AKR1B1: variants seen among roughly 807,000 people sequenced by gnomAD.
The protein encoded by AKR1B1 is aldo-keto reductase family 1 member B.
Under a neutral mutation model 40.4 loss-of-function variants are expected in AKR1B1, and 22 were observed. The ratio of observed to expected loss-of-function variants is 0.54; its 90% confidence interval spans 0.39 to 0.78. The LOEUF (loss-of-function observed/expected upper bound fraction) is 0.78. Among genes scored for constraint, AKR1B1 ranks in the 30% least tolerant of loss-of-function variants. The pLI, the probability that AKR1B1 is intolerant of heterozygous loss-of-function variation, is 0.00. For missense variants in AKR1B1, 357 were observed against 396.7 expected, an observed-to-expected ratio of 0.90 and a Z score of 0.85; for synonymous variants, 157 against 149.9, an observed-to-expected ratio of 1.05 and a Z score of -0.35.
chr7:134,449,657 A>T, intron 4 of AKR1B1, 63 bp downstream of exon 4: 1 of 1,264,636 alleles, frequency 7.9e-7, no homozygotes, highest in Non-Finnish European at 1.2e-6. Flanking sequence ...TGGCAGGCAG[A>T]TTGCTTCTAA....
At chr7:134,449,607 C>G in intron 4 of AKR1B1, 113 bp downstream of exon 4, 1 of 905,422 alleles carries the variant, frequency 1.1e-6, no homozygotes, top group South Asian at 1.4e-5. Flanking sequence ...AAAGAGAGAG[C>G]AAACAACAGG....
At chr7:134,450,471 C>T (rs1429893210) in intron 3 of AKR1B1, among the ~76,000 whole-genome samples, 1 of 152,172 alleles carries the variant, frequency 6.6e-6, no homozygotes, top group African/African-American at 2.4e-5. Flanking sequence ...TGGCTGTGTG[C>T]ACTACAGACA....
rs1341776306 is a variant in AKR1B1 at position 134,450,859 on chromosome 7, C to T, written c.278G>A (p.Cys93Tyr). The change falls in exon 3 of 10, where the codon TGC (cysteine) becomes TAC (tyrosine). Residue 93 changes from cysteine to tyrosine, a missense_variant. Physicochemically the swap from Cys to Tyr is radical, Grantham distance 194 (BLOSUM62 -2). Transcript: ENST00000285930. ...CTTCAGGTCGCTGAGTGTCTTCTGGCAGGCTCCTTTCACCAGGCCCTTCTC... is the reference window on the plus strand; with the variant it reads ...CTTCAGGTCGCTGAGTGTCTTCTGGTAGGCTCCTTTCACCAGGCCCTTCTC... The part of the protein sequence containing the change: ...YHEKGLVKGA[C>Y]QKTLSDLKLD... 3 of 1,614,170 alleles carry T rather than the reference C, an allele frequency of 1.9e-6. No homozygotes were observed. Among genetic ancestry groups the T allele is most frequent in the Non-Finnish European group, 2.5e-6 (3 of 1,180,018 alleles).
In AKR1B1 at chr7:134,447,357, T is replaced by C. The variant is rs766847306; in HGVS notation, c.766A>G (p.Arg256Gly). 1 of 1,614,100 alleles carries C rather than the reference T, an allele frequency of 6.2e-7. No individual in the cohort carries two copies. The highest frequency in any genetic ancestry group is 8.5e-7 in the Non-Finnish European group (1 of 1,180,004). ...AQVLIRFPMQRNLVVIPKSVT... is the reference protein window; with the variant it reads ...AQVLIRFPMQGNLVVIPKSVT... ...GACTTGGGGATCACCACCAAGTTCC[T>C]CTGCATGGGGAACCGGATCAGGACC... The change falls in exon 8 of 10, where the codon AGG becomes GGG. Residue 256 changes from arginine to glycine, a missense_variant. By Grantham distance (125) the Arg-to-Gly change is moderately radical. Coordinates refer to ENST00000285930, the MANE Select transcript of AKR1B1 (RefSeq NM_001628.4).
chr7:134,443,148 CAG>C (rs1805990799), intron 9 of AKR1B1, among the ~76,000 whole-genome samples: 1 of 152,250 alleles, frequency 6.6e-6, no homozygotes, highest in Admixed American at 6.5e-5. Flanking sequence ...AGGCCAGACA[CAG>C]TGGCTCACGC....
chr7:134,454,836 GAAATTAACTTCCTCCTGT>G (rs967052302), intron 1 of AKR1B1, among the ~76,000 whole-genome samples: 7 of 152,216 alleles, frequency 4.6e-5, no homozygotes, highest in African/African-American at 1.4e-4. Context: ...TTTGGCAGCA[GAAATTAACTTCCTCCTGT>G]TCTGTTTTAA....
chr7:134,447,614 C>G, intron 7 of AKR1B1: 1 of 636,268 alleles, frequency 1.6e-6, no homozygotes, highest in East Asian at 2.7e-5. Flanking sequence ...GTGTCTCAGG[C>G]ATATCATGAG....
rs552254440 is a variant in AKR1B1, at chr7:134,448,565, T to C, written c.553-72A>G. 2.3e-5 allele frequency: 27 copies of C among 1,159,254 alleles called. No homozygotes were observed. The South Asian group carries it at 2.7e-4, about 12-fold the overall frequency. 71.8% of individuals were successfully genotyped at this position (1,159,254 alleles called of 1,614,324 possible). ...CTGATGGGACACAGATGAAGCTTCC[T>C]ATGCTAAAGTCCCTCCCTACCCCAT... On this transcript the variant is annotated intron_variant, in intron 5 of 9. Transcript: ENST00000285930.
rs1167899070 is a variant in AKR1B1, at chr7:134,442,701, C to T, written c.*27G>A. 5.0e-6 allele frequency: 8 copies of T among 1,612,882 alleles called. No individual in the cohort carries two copies. The highest frequency in any genetic ancestry group is 6.8e-6 in the Non-Finnish European group (8 of 1,179,058). ...AGGCAAGAAACACAGGTATAGGTCA[C>T]TTGGGGACGAGCAGGCAACCACAGC... is the stretch of plus-strand genomic sequence containing the variant. On this transcript the variant is annotated 3_prime_UTR_variant, in exon 10 of 10. Transcript: ENST00000285930.
rs932031834 is a variant in AKR1B1, at chr7:134,450,852, C to A, written c.285G>T (p.Lys95Asn). The A allele has an allele frequency of 3.1e-6, 5 of 1,614,198 alleles. No individual in the cohort carries two copies. The highest frequency in any genetic ancestry group is 4.2e-6 in the Non-Finnish European group (5 of 1,180,040). Residue 95 changes from lysine to asparagine, a missense_variant, in exon 3 of 10, where the codon AAG becomes AAT. Transcript: ENST00000285930. ...AGTCCAGCTTCAGGTCGCTGAGTGTCTTCTGGCAGGCTCCTTTCACCAGGC... is the reference window on the plus strand; with the variant it reads ...AGTCCAGCTTCAGGTCGCTGAGTGTATTCTGGCAGGCTCCTTTCACCAGGC... ...EKGLVKGACQ[K>N]TLSDLKLDYL...
At chr7:134,450,986 C>CA in intron 2 of AKR1B1, 84 bp from the exon 3 acceptor site, 1 of 1,113,012 alleles carries the variant, frequency 9.0e-7, no homozygotes, top group East Asian at 2.4e-5. Flanking sequence ...CTCCTCTCCC[C>CA]AAAACCCATT....
chr7:134,446,727 C>T (rs533018511), intron 8 of AKR1B1, among the ~76,000 whole-genome samples: 3 of 152,316 alleles, frequency 2.0e-5, no homozygotes, highest in East Asian at 3.9e-4. Context: ...CCCATCATCA[C>T]ACGAACTCCT....
At chr7:134,450,388 G>A (rs528071607) in intron 3 of AKR1B1, among the ~76,000 whole-genome samples, 15 of 152,324 alleles carry the variant, frequency 9.8e-5, no homozygotes, top group African/African-American at 3.6e-4. Flanking sequence ...TAGAACGTGG[G>A]TAGGGACTCA....
rs751304426 is a variant in AKR1B1 at position 134,450,758 on chromosome 7, G to A, written c.351+28C>T. The A allele has an allele frequency of 5.1e-6, 8 of 1,580,084 alleles. No individual in the cohort carries two copies. The East Asian group carries it at 1.3e-4, about 26-fold the overall frequency. On this transcript the variant is annotated intron_variant, in intron 3 of 9. Transcript: ENST00000285930. ...CACAGGTTGCACCTGAGCCCCAAGG[G>A]ACCTGGTCTGCACCAGGCATCCCAT...
At chr7:134,445,826 A>G (rs1170104824) in intron 8 of AKR1B1, among the ~76,000 whole-genome samples, 2 of 152,250 alleles carry the variant, frequency 1.3e-5, no homozygotes, top group East Asian at 1.9e-4. Flanking sequence ...CCTAAGAAGT[A>G]TAAGATTTTG....
chr7:134,442,881 G>C (rs182462000), intron 9 of AKR1B1, 111 bp from the exon 10 acceptor site: 1 of 1,057,762 alleles, frequency 9.5e-7, no homozygotes, highest in Admixed American at 2.0e-5. Context: ...TAGAACCTCA[G>C]AGGCAACAAG....
At position 134,448,033 on chromosome 7, in the gene AKR1B1, C is replaced by G. The variant is rs1484242051; in HGVS notation, c.688G>C (p.Glu230Gln). The G allele has an allele frequency of 1.2e-6, 2 of 1,613,198 alleles. No homozygotes were observed. The highest frequency in any genetic ancestry group is 8.5e-7 in the Non-Finnish European group (1 of 1,179,822). ...WAKPEDPSLLEDPRIKAIAAK... is the reference protein window; with the variant it reads ...WAKPEDPSLLQDPRIKAIAAK... ...GCGATCGCCTTGATCCTGGGATCCT[C>G]CAGGAGAGAAGGGTCCTCGGGCTTG... Residue 230 changes from glutamate to glutamine, a missense_variant, in exon 7 of 10, where the codon GAG becomes CAG. Glu to Gln is a conservative substitution (Grantham distance 29). Coordinates refer to ENST00000285930, the MANE Select transcript of AKR1B1 (RefSeq NM_001628.4).
intron 1 of AKR1B1, among the ~76,000 whole-genome samples, chr7:134,456,954 A>G (rs2117467458): frequency 6.6e-6 from 1 of 152,264 alleles, no homozygotes; most frequent in South Asian, 2.1e-4. Context: ...TGGACAACAT[A>G]GGGAAACCTG....
intron 8 of AKR1B1, among the ~76,000 whole-genome samples, chr7:134,445,634 G>C (rs3749434): frequency 1.3e-5 from 2 of 152,326 alleles, no homozygotes; most frequent in East Asian, 3.9e-4. Context: ...GGTAAGATGT[G>C]TCTTTGCCTC....
Sources: gnomAD v4.1 joint callset for allele counts (sites outside exome capture counted in the v4.1 genomes callset) on GRCh38, gnomAD v4.1.1 for gene constraint, MANE v1.5 for transcripts, NCBI Gene and HGNC (gene_info 2026-07-23, HGNC 2026-07-21) for gene names.